HSF5: variants seen among roughly 807,000 people sequenced by gnomAD.
HSF5 encodes the protein heat shock transcription factor 5.
Under a neutral mutation model 50.8 loss-of-function variants are expected in HSF5, and 5 were observed. The observed-to-expected ratio is 0.10, with a 90% confidence interval of 0.05 to 0.21. HSF5 has a LOEUF of 0.21. Among genes scored for constraint, HSF5 ranks in the 10% least tolerant of loss-of-function variants. The pLI, the probability that HSF5 is intolerant of heterozygous loss-of-function variation, is 1.00. For synonymous variants in HSF5, 307 were observed against 307.4 expected (o/e 1.00, Z 0.02); for missense variants, 564 against 762.6 (o/e 0.74, Z 3.07).
chr17:58,437,968 T>C (rs1974448044), intron 5 of HSF5, among the ~76,000 whole-genome samples: 1 of 152,202 alleles, frequency 6.6e-6, no homozygotes, highest in Non-Finnish European at 1.5e-5. Context: ...ATTTTAGTTA[T>C]CTATAAATAA....
chr17:58,467,663 A>G (rs533150800), intron 2 of HSF5, among the ~76,000 whole-genome samples: 2 of 152,400 alleles, frequency 1.3e-5, no homozygotes, highest in Admixed American at 6.5e-5. Context: ...TGTGATATAA[A>G]TGAGCTAATA....
intron 5 of HSF5, among the ~76,000 whole-genome samples, chr17:58,432,087 T>C (rs1460846598): frequency 1.3e-5 from 2 of 152,168 alleles, no homozygotes; most frequent in South Asian, 2.1e-4. Context: ...TGAGCATTTA[T>C]CACAATTTTT....
chr17:58,437,413 A>G (rs1478101843), intron 5 of HSF5, among the ~76,000 whole-genome samples: 1 of 152,218 alleles, frequency 6.6e-6, no homozygotes. Context: ...AAGTATTTAA[A>G]CTACTTTTAG....
chr17:58,448,086 A>G (rs886225778), intron 5 of HSF5, among the ~76,000 whole-genome samples: 2 of 148,056 alleles, frequency 1.4e-5, no homozygotes, highest in African/African-American at 5.0e-5. Flanking sequence ...GCGAATTGAG[A>G]TCAGGCCACT....
intron 1 of HSF5, among the ~76,000 whole-genome samples, chr17:58,480,908 C>G (rs1048321793): frequency 6.6e-6 from 1 of 152,140 alleles, no homozygotes; most frequent in African/African-American, 2.4e-5. Flanking sequence ...CCACCTCAGC[C>G]TCCTGACTAG....
At chr17:58,469,634 G>C (rs1974919051) in intron 2 of HSF5, among the ~76,000 whole-genome samples, 1 of 152,160 alleles carries the variant, frequency 6.6e-6, no homozygotes, top group South Asian at 2.1e-4. Context: ...ATTTGACTAT[G>C]TGCCTAGTAT....
chr17:58,454,617 T>C (rs543593517), intron 5 of HSF5, among the ~76,000 whole-genome samples: 2 of 152,296 alleles, frequency 1.3e-5, no homozygotes, highest in East Asian at 3.9e-4. Flanking sequence ...TTGGAACTAA[T>C]AAATGAATTT....
chr17:58,450,337 TCAA>T (rs869026806), intron 5 of HSF5, among the ~76,000 whole-genome samples: 1 of 27,124 alleles, frequency 3.7e-5, no homozygotes. Flanking sequence ...AGACTTTGTC[TCAA>T]AAAAAAAAAA....
Position 58,466,973 on chromosome 17 carries a change from A to G in HSF5, c.932T>C (p.Leu311Pro), listed in dbSNP as rs1237856587. 2 of 1,606,110 alleles carry G rather than the reference A, an allele frequency of 1.2e-6. No homozygotes were observed. Among genetic ancestry groups the G allele is most frequent in the East Asian group, 2.2e-5 (1 of 44,836 alleles). ...CATGTGGGTAGGAGAACAGCACTGTAGCACAGCTGGAACAAATTCAAACAC... is the reference window on the plus strand; with the variant it reads ...CATGTGGGTAGGAGAACAGCACTGTGGCACAGCTGGAACAAATTCAAACAC... Reference protein sequence around the residue: ...YSQAYYPTAVLQCCSPTHMDA... With the variant: ...YSQAYYPTAVPQCCSPTHMDA... The change falls in exon 3 of 6, where the codon CTA (leucine) becomes CCA (proline). Residue 311 changes from leucine (L) to proline (P), a missense_variant. Physicochemically the swap from Leu to Pro is moderately conservative, Grantham distance 98 (BLOSUM62 -3). Around this residue, in one of 5 missense-constraint regions of HSF5, gnomAD observed 441 missense variants for 533.6 expected, o/e 0.83. Transcript: ENST00000323777.
intron 2 of HSF5, chr17:58,476,315 T>A: frequency 9.7e-7 from 1 of 1,026,440 alleles, no homozygotes; most frequent in South Asian, 1.3e-5. Context: ...TTTGGCCAAA[T>A]ACCATCTTTG....
rs768676573 is a variant in HSF5, at chr17:58,480,240, C to G, written c.578G>C (p.Arg193Pro). Residue 193 changes from arginine to proline, a missense_variant, in exon 2 of 6, where the codon CGG becomes CCG. Physicochemically the swap from Arg to Pro is moderately radical, Grantham distance 103 (BLOSUM62 -2). Transcript: ENST00000323777. ...AGACAAACTATCTCGACGAAATGAC[C>G]GGTGAAATTGTCCTACAGCCACTGG... ...HGPVAVGQFH[R>P]SFRRDSLSPY... is the part of the protein sequence containing the mutation. The G allele has an allele frequency of 2.5e-6, 4 of 1,611,208 alleles. No individual in the cohort carries two copies. Among genetic ancestry groups the G allele is most frequent in the Non-Finnish European group, 3.4e-6 (4 of 1,178,476 alleles).
At chr17:58,458,232 C>T (rs941974390) in intron 5 of HSF5, among the ~76,000 whole-genome samples, 2 of 152,104 alleles carry the variant, frequency 1.3e-5, no homozygotes, top group Non-Finnish European at 2.9e-5. Context: ...ACTGTATGTG[C>T]CTAAAACAAT....
intron 3 of HSF5, among the ~76,000 whole-genome samples, chr17:58,466,286 TCTC>T (rs1157312783): frequency 1.3e-5 from 2 of 152,208 alleles, no homozygotes; most frequent in Non-Finnish European, 2.9e-5. Flanking sequence ...TTGACATTTT[TCTC>T]CTTTCTCCTT....
At chr17:58,453,450 T>G (rs1974666866) in intron 5 of HSF5, among the ~76,000 whole-genome samples, 2 of 151,738 alleles carry the variant, frequency 1.3e-5, no homozygotes. Context: ...AAAAATTAGC[T>G]GGGCATGGTG....
intron 2 of HSF5, among the ~76,000 whole-genome samples, chr17:58,477,608 C>T (rs993032693): frequency 2.6e-5 from 4 of 151,878 alleles, no homozygotes; most frequent in Non-Finnish European, 4.4e-5. Flanking sequence ...TACAGGTGCC[C>T]GTCACCACAC....
intron 5 of HSF5, among the ~76,000 whole-genome samples, chr17:58,443,743 C>G (rs1974525182): frequency 6.6e-6 from 1 of 152,164 alleles, no homozygotes; most frequent in African/African-American, 2.4e-5. Flanking sequence ...TATACCCAAA[C>G]TTATATAAGA....
chr17:58,436,707 G>C (rs532910201), intron 5 of HSF5, among the ~76,000 whole-genome samples: 2 of 152,126 alleles, frequency 1.3e-5, no homozygotes, highest in African/African-American at 4.8e-5. Flanking sequence ...AATATGTCTC[G>C]ATAGATTGTT....
At chr17:58,470,742 A>G (rs1323739994) in intron 2 of HSF5, among the ~76,000 whole-genome samples, 5 of 152,328 alleles carry the variant, frequency 3.3e-5, no homozygotes, top group East Asian at 3.9e-4. Context: ...CCTTACCAAC[A>G]TGGTGAAACC....
chr17:58,466,147 A>G (rs758305687), intron 3 of HSF5, among the ~76,000 whole-genome samples: 1 of 152,194 alleles, frequency 6.6e-6, no homozygotes, highest in Non-Finnish European at 1.5e-5. Flanking sequence ...AATATTCCAA[A>G]ATCTGAAAAA....
Sources: gnomAD v4.1 joint callset for allele counts (sites outside exome capture counted in the v4.1 genomes callset) on GRCh38, gnomAD v4.1.1 for gene constraint, gnomAD v4.1.1 regional missense constraint, MANE v1.5 for transcripts, NCBI Gene and HGNC (gene_info 2026-07-23, HGNC 2026-07-21) for gene names.